Variants in PRKAA2 observed in about 807,000 individuals in gnomAD.
PRKAA2 encodes the protein 5'-AMP-activated protein kinase catalytic subunit alpha-2.
A neutral mutation model predicts 56.3 loss-of-function variants in PRKAA2; 40 were observed. The ratio of observed to expected loss-of-function variants is 0.71; its 90% CI spans 0.55 to 0.92. The LOEUF is 0.92. Among genes scored for constraint, PRKAA2 ranks in the 40% least tolerant of loss-of-function variants. The pLI is 0.00. For missense variants in PRKAA2, 542 were observed against 686.9 expected (o/e 0.79, Z 2.36); for synonymous variants, 214 against 234.2 (o/e 0.91, Z 0.79).
At chr1:56,672,422 A>C (rs890014870) in intron 1 of PRKAA2, among the ~76,000 whole-genome samples, 3 of 152,116 alleles carry the variant, frequency 2.0e-5, no homozygotes, top group African/African-American at 7.2e-5. Flanking sequence ...TGGCCCTTGA[A>C]TTTAGTTTTG....
chr1:56,652,264 G>C (rs1458363170), intron 1 of PRKAA2, among the ~76,000 whole-genome samples: 1 of 152,110 alleles, frequency 6.6e-6, no homozygotes, highest in Non-Finnish European at 1.5e-5. Context: ...GCCCGCCTCA[G>C]CTTCCCAAAG....
rs13376460 is a variant in PRKAA2, at chr1:56,693,666, A to G, written c.476-99A>G. On this transcript the variant is annotated intron_variant, in intron 4 of 8. Coordinates refer to ENST00000371244, the MANE Select transcript of PRKAA2 (RefSeq NM_006252.4). ...TTTTAATAACTTAAAAAAAAATGAT[A>G]TATGGAGGATCCAGGACTTGAAATT... 5,429 of 680,512 alleles carry G rather than the reference A, an allele frequency of 8.0e-3. 245 individuals carry two copies. The African/African-American group carries it at 0.089, about 11-fold the overall frequency. The allele number at this position is 680,512 out of a possible 1,614,324, so 42.2% of individuals were successfully genotyped here.
chr1:56,655,790 T>C (rs1370491852), intron 1 of PRKAA2, among the ~76,000 whole-genome samples: 2 of 152,166 alleles, frequency 1.3e-5, no homozygotes, highest in Non-Finnish European at 2.9e-5. Context: ...TGATAAACAG[T>C]TGGGTTTTTG....
intron 6 of PRKAA2, 136 bp downstream of exon 6, chr1:56,696,295 G>A: frequency 1.4e-6 from 1 of 736,530 alleles, no homozygotes; most frequent in Non-Finnish European, 2.2e-6. Flanking sequence ...CATTGAACTT[G>A]TCCTTGTTTC....
intron 6 of PRKAA2, among the ~76,000 whole-genome samples, chr1:56,700,900 G>T (rs968024015): frequency 6.6e-6 from 1 of 152,142 alleles, no homozygotes; most frequent in Non-Finnish European, 1.5e-5. Context: ...TTTCAAGGCT[G>T]CCCAGGAGCT....
intron 2 of PRKAA2, among the ~76,000 whole-genome samples, chr1:56,683,569 GCAA>G (rs1244100878): frequency 7.2e-5 from 11 of 152,080 alleles, no homozygotes; most frequent in Non-Finnish European, 1.5e-4. Context: ...AGACAAAAAG[GCAA>G]CAACAACAAA....
intron 4 of PRKAA2, among the ~76,000 whole-genome samples, chr1:56,692,791 G>GTTT (rs201416995): frequency 1.9e-3 from 258 of 135,468 alleles, no homozygotes; most frequent in African/African-American, 5.7e-3. Flanking sequence ...CTGTTTTTTT[G>GTTT]TTTTTTTTTT....
intron 1 of PRKAA2, among the ~76,000 whole-genome samples, chr1:56,662,397 CATTTTTA>C (rs1183815745): frequency 2.6e-5 from 4 of 151,800 alleles, no homozygotes; most frequent in Admixed American, 6.6e-5. Flanking sequence ...AAAATATAAA[CATTTTTA>C]ATTTTTAATT....
rs1644380983 is a variant in PRKAA2, at chr1:56,713,259, G to A, written c.*5546G>A. On this transcript the variant is annotated 3_prime_UTR_variant, in exon 9 of 9. Coordinates refer to ENST00000371244, the MANE Select transcript of PRKAA2 (RefSeq NM_006252.4). ...TTTTAATTAAACTTCTTCATCCATAGCCTGATAAGAATCAGGCTGGGTCTA... is the reference window on the plus strand; with the variant it reads ...TTTTAATTAAACTTCTTCATCCATAACCTGATAAGAATCAGGCTGGGTCTA... 1 of 152,134 alleles carries A rather than the reference G, an allele frequency of 6.6e-6. No homozygotes were observed. The highest frequency in any genetic ancestry group is 1.5e-5 in the Non-Finnish European group (1 of 68,032). The allele number at this position is 152,134 out of a possible 1,614,324, so 9.4% of individuals were successfully genotyped here. A position where few individuals can be genotyped will look rare whatever the true frequency, so the allele number is the denominator to read the frequency against.
intron 3 of PRKAA2, 48 bp downstream of exon 3, chr1:56,691,535 G>T: frequency 6.9e-7 from 1 of 1,445,002 alleles, no homozygotes; most frequent in Admixed American, 1.8e-5. Context: ...CTAATAAAAA[G>T]GAAAGTATTG....
At chr1:56,677,958 C>T (rs751240109) in intron 2 of PRKAA2, among the ~76,000 whole-genome samples, 2 of 152,056 alleles carry the variant, frequency 1.3e-5, no homozygotes, top group African/African-American at 4.8e-5. Flanking sequence ...CGCCCAGGCC[C>T]GAAGACTTAT....
intron 2 of PRKAA2, among the ~76,000 whole-genome samples, chr1:56,687,373 A>G (rs562564320): frequency 2.1e-3 from 321 of 152,302 alleles, no homozygotes; most frequent in African/African-American, 7.3e-3. Context: ...TGAATTATTC[A>G]TATATATGAA....
At chr1:56,653,430 G>T (rs1174620871) in intron 1 of PRKAA2, among the ~76,000 whole-genome samples, 1 of 152,044 alleles carries the variant, frequency 6.6e-6, no homozygotes, top group Non-Finnish European at 1.5e-5. Flanking sequence ...CACAAAGGCA[G>T]CCTGATGTAG....
chr1:56,673,428 C>G (rs1057110424), intron 1 of PRKAA2, among the ~76,000 whole-genome samples: 2 of 151,946 alleles, frequency 1.3e-5, no homozygotes, highest in African/African-American at 4.8e-5. Flanking sequence ...TCCATGTTCT[C>G]TAAAGAAATA....
chr1:56,686,883 C>CTT (rs144698190), intron 2 of PRKAA2, among the ~76,000 whole-genome samples: 3 of 128,584 alleles, frequency 2.3e-5, no homozygotes, highest in African/African-American at 8.8e-5. Context: ...CCTAAATACT[C>CTT]TTTTTTTTTT....
intron 1 of PRKAA2, among the ~76,000 whole-genome samples, chr1:56,672,512 T>G (rs773920378): frequency 6.6e-6 from 1 of 152,086 alleles, no homozygotes; most frequent in Non-Finnish European, 1.5e-5. Context: ...CACTGGCATA[T>G]GGGTGATAAT....
chr1:56,656,862 C>G (rs1271585721), intron 1 of PRKAA2, among the ~76,000 whole-genome samples: 2 of 152,166 alleles, frequency 1.3e-5, no homozygotes, highest in African/African-American at 2.4e-5. Context: ...TGTAACATTA[C>G]CACCTTTTGT....
Position 56,663,674 on chromosome 1 carries a change from T to C in PRKAA2, c.95-10707T>C, listed in dbSNP as rs537950010. On this transcript the variant is annotated intron_variant, in intron 1 of 8. Coordinates refer to ENST00000371244, the MANE Select transcript of PRKAA2 (RefSeq NM_006252.4). ...CTTTTTAGGCAGAGTTGTGTCAAAC[T>C]AAATCGATTGACATGCCTATGATGT... 3.9e-5 allele frequency among the ~76,000 whole-genome samples: 6 copies of C among 152,362 alleles called. No individual in the cohort carries two copies. The East Asian group carries it at 1.2e-3, about 29-fold the overall frequency.
chr1:56,712,925 T>C lies in PRKAA2; in HGVS notation c.*5212T>C, dbSNP rs1318890036. On this transcript the variant is annotated 3_prime_UTR_variant, in exon 9 of 9. Transcript: ENST00000371244. ...ATTGTTATAGTTTTTGACTATTATC[T>C]GAATTAGTCTTATCCAAATTTCATA... The C allele has an allele frequency of 6.6e-6, 1 of 152,186 alleles. No individual in the cohort carries two copies. Among genetic ancestry groups the C allele is most frequent in the Non-Finnish European group, 1.5e-5 (1 of 68,026 alleles). 9.4% of individuals were successfully genotyped at this position (152,186 alleles called of 1,614,324 possible).
Sources: gnomAD v4.1 joint callset for allele counts (sites outside exome capture counted in the v4.1 genomes callset) on GRCh38, gnomAD v4.1.1 for gene constraint, MANE v1.5 for transcripts, NCBI Gene and HGNC (gene_info 2026-07-23, HGNC 2026-07-21) for gene names.